The following ASAP1 variants were observed in gnomAD, a reference collection of about 807,000 sequenced individuals.
ASAP1 encodes the protein arf-GAP with SH3 domain, ANK repeat and PH domain-containing protein 1.
A neutral mutation model predicts 145.2 loss-of-function variants in ASAP1; 43 were observed. That is an observed-to-expected ratio of 0.30 (90% CI 0.23 to 0.38). The LOEUF (loss-of-function observed/expected upper bound fraction) is 0.38, where lower values mean the gene tolerates loss of function less well. Ranked by LOEUF, ASAP1 falls within the 10% of genes least tolerant of loss-of-function variation. ASAP1 has a pLI of 1.00. For synonymous variants in ASAP1, 546 were observed against 515.5 expected (o/e 1.06, Z -0.80); for missense variants, 1,018 against 1,355.3 (o/e 0.75, Z 3.91).
chr8:130,123,609 A>AACAC (rs2097570017), intron 18 of ASAP1, among the ~76,000 whole-genome samples: 1 of 152,130 alleles, frequency 6.6e-6, no homozygotes. Context: ...CAAACAAACA[A>AACAC]ACACTGTAAA....
At chr8:130,369,779 A>C (rs1827127148) in intron 2 of ASAP1, among the ~76,000 whole-genome samples, 1 of 152,232 alleles carries the variant, frequency 6.6e-6, no homozygotes, top group Admixed American at 6.5e-5. Context: ...TAGGAATGTA[A>C]AATGGTGGAG....
intron 24 of ASAP1, among the ~76,000 whole-genome samples, chr8:130,097,669 C>T (rs150108796): frequency 4.6e-5 from 7 of 152,318 alleles, no homozygotes; most frequent in Admixed American, 2.6e-4. Context: ...CTCACCCTGG[C>T]AGGCCCACGG....
At chr8:130,428,937 T>A (rs1000234051) in intron 1 of ASAP1, among the ~76,000 whole-genome samples, 1 of 152,198 alleles carries the variant, frequency 6.6e-6, no homozygotes, top group African/African-American at 2.4e-5. Flanking sequence ...AATCAATATA[T>A]CAGCAGGGCC....
chr8:130,146,482 A>C (rs2097630837), intron 13 of ASAP1, among the ~76,000 whole-genome samples: 1 of 152,096 alleles, frequency 6.6e-6, no homozygotes, highest in Non-Finnish European at 1.5e-5. Flanking sequence ...GCTGCTTTCT[A>C]ATCTGTTGGA....
chr8:130,264,778 T>G (rs1465404878), intron 3 of ASAP1, among the ~76,000 whole-genome samples: 1 of 152,070 alleles, frequency 6.6e-6, no homozygotes, highest in East Asian at 1.9e-4. Context: ...TGCTGGTGCA[T>G]CACAAGTAAA....
At chr8:130,129,997 A>G (rs1331204065) in intron 15 of ASAP1, among the ~76,000 whole-genome samples, 1 of 152,260 alleles carries the variant, frequency 6.6e-6, no homozygotes, top group Admixed American at 6.5e-5. Flanking sequence ...ACTGCATTTT[A>G]TCAGCGGCAC....
chr8:130,174,674 T>A (rs1390526922), intron 9 of ASAP1, among the ~76,000 whole-genome samples: 1 of 152,218 alleles, frequency 6.6e-6, no homozygotes, highest in Non-Finnish European at 1.5e-5. Context: ...TAATCAATCA[T>A]GCCTATGTAA....
At chr8:130,415,251 T>C (rs1345768820) in intron 1 of ASAP1, among the ~76,000 whole-genome samples, 1 of 151,382 alleles carries the variant, frequency 6.6e-6, no homozygotes, top group Non-Finnish European at 1.5e-5. Context: ...GAAGGATAGC[T>C]TGAGGCTAGG....
chr8:130,068,743 C>T (rs551155098), intron 27 of ASAP1, among the ~76,000 whole-genome samples: 2 of 152,324 alleles, frequency 1.3e-5, no homozygotes, highest in East Asian at 3.9e-4. Flanking sequence ...ACTCTACCTA[C>T]AAATGTCAAG....
intron 4 of ASAP1, among the ~76,000 whole-genome samples, chr8:130,215,675 C>T (rs1816855759): frequency 6.6e-6 from 1 of 151,996 alleles, no homozygotes; most frequent in South Asian, 2.1e-4. Flanking sequence ...ACCTGGGAGG[C>T]GGAGCTTGCA....
chr8:130,415,083 A>C (rs1829419999), intron 1 of ASAP1, among the ~76,000 whole-genome samples: 1 of 152,248 alleles, frequency 6.6e-6, no homozygotes, highest in Non-Finnish European at 1.5e-5. Flanking sequence ...TAAAATGCCT[A>C]GTGCACAGCA....
intron 7 of ASAP1, among the ~76,000 whole-genome samples, chr8:130,182,302 A>G (rs562757778): frequency 2.6e-5 from 4 of 152,374 alleles, no homozygotes; most frequent in Admixed American, 2.6e-4. Context: ...AATCTCCCAA[A>G]GAAAGAATTG....
At chr8:130,326,160 T>G (rs940193717) in intron 3 of ASAP1, among the ~76,000 whole-genome samples, 4 of 152,198 alleles carry the variant, frequency 2.6e-5, no homozygotes, top group Non-Finnish European at 4.4e-5. Context: ...GCATGTGATA[T>G]GCCTCACTCT....
chr8:130,386,302 T>C (rs945638612), intron 2 of ASAP1, among the ~76,000 whole-genome samples: 3 of 152,194 alleles, frequency 2.0e-5, no homozygotes, highest in Non-Finnish European at 4.4e-5. Flanking sequence ...CCTAAGCCAG[T>C]ACATTCCCTT....
intron 15 of ASAP1, among the ~76,000 whole-genome samples, chr8:130,129,569 CAACA>C (rs988307976): frequency 3.8e-4 from 58 of 152,130 alleles, no homozygotes; most frequent in African/African-American, 1.4e-3. Context: ...TGTTTATTCT[CAACA>C]GACAATACAG....
At chr8:130,123,888 A>G (rs2097570589) in intron 18 of ASAP1, 125 bp downstream of exon 18, 2 of 658,210 alleles carry the variant, frequency 3.0e-6, no homozygotes, top group Non-Finnish European at 5.1e-6. Context: ...TCAGCCTCCC[A>G]AAGTGCTGGG....
chr8:130,421,506 A>C (rs1205752957), intron 1 of ASAP1, among the ~76,000 whole-genome samples: 2 of 152,184 alleles, frequency 1.3e-5, no homozygotes, highest in Non-Finnish European at 2.9e-5. Context: ...CTAAGGAATG[A>C]GATAGAAATG....
At chr8:130,388,620 A>G (rs1828131588) in intron 2 of ASAP1, among the ~76,000 whole-genome samples, 1 of 152,216 alleles carries the variant, frequency 6.6e-6, no homozygotes, top group Non-Finnish European at 1.5e-5. Flanking sequence ...GGGGTGCCCA[A>G]CTGAGAGACT....
chr8:130,146,330 G>A lies in ASAP1; in HGVS notation c.1080+6406C>T, dbSNP rs182790041. 5.3e-5 allele frequency among the ~76,000 whole-genome samples: 8 copies of A among 151,932 alleles called. No homozygotes were observed. The East Asian group carries it at 1.5e-3, about 29-fold the overall frequency. ...TTTTTACCCCTTAGCATATACCTTC[G>A]TATATGCTAAGACCTCTGTATATGC... On this transcript the variant is annotated intron_variant, in intron 13 of 29. Coordinates refer to ENST00000518721, the MANE Select transcript of ASAP1 (RefSeq NM_018482.4).
Sources: allele counts gnomAD v4.1 joint callset (sites outside exome capture counted in the v4.1 genomes callset), GRCh38; gene constraint gnomAD v4.1.1; transcripts MANE v1.5; gene names NCBI Gene and HGNC (gene_info 2026-07-23, HGNC 2026-07-21).